CCDC18: variants seen among roughly 807,000 people sequenced by gnomAD.
CCDC18 encodes coiled-coil domain containing 18.
CCDC18 carries 157 observed loss-of-function variants against 196.0 expected under a neutral mutation model. The observed-to-expected ratio is 0.80, with a 90% CI of 0.70 to 0.91. The LOEUF (loss-of-function observed/expected upper bound fraction) is 0.91, where lower values mean the gene tolerates loss of function less well. Among genes scored for constraint, CCDC18 ranks in the 40% least tolerant of loss-of-function variants. The pLI, the probability that CCDC18 is intolerant of heterozygous loss-of-function variation, is 0.00. For synonymous variants in CCDC18, 482 were observed against 529.2 expected, an observed-to-expected ratio of 0.91 and a Z score of 1.22; for missense variants, 1,465 against 1,611.6, an observed-to-expected ratio of 0.91 and a Z score of 1.56.
chr1:93,242,405 C>T (rs544667159), intron 21 of CCDC18, among the ~76,000 whole-genome samples: 7 of 152,328 alleles, frequency 4.6e-5, no homozygotes, highest in African/African-American at 1.7e-4. Context: ...CTCATGAGAA[C>T]AGCATGGGAA....
chr1:93,254,816 G>A (rs1662719198), intron 24 of CCDC18, among the ~76,000 whole-genome samples: 2 of 151,722 alleles, frequency 1.3e-5, no homozygotes, highest in Non-Finnish European at 2.9e-5. Context: ...CAAAGACAGT[G>A]TCTTATTTAT....
chr1:93,254,941 CTTTTTTTTT>C (rs34139452), intron 24 of CCDC18, among the ~76,000 whole-genome samples: 1 of 44,268 alleles, frequency 2.3e-5, no homozygotes, highest in South Asian at 1.4e-3. Flanking sequence ...GAGGAGTCAG[CTTTTTTTTT>C]TTTTTTTTTT....
chr1:93,180,198 G>C, upstream of CCDC18: 2 of 1,613,258 alleles, frequency 1.2e-6, no homozygotes, highest in Non-Finnish European at 1.7e-6. Flanking sequence ...GAGGCAGAGC[G>C]GCCAGAAGGA....
intron 26 of CCDC18, among the ~76,000 whole-genome samples, chr1:93,263,321 A>AT (rs912163896): frequency 1.1e-4 from 17 of 151,554 alleles, no homozygotes; most frequent in African/African-American, 1.9e-4. Flanking sequence ...CCAAGCTGCA[A>AT]TTTTTTTTTA....
In CCDC18 at chr1:93,270,778, A is replaced by ATT. The variant is rs759266909; in HGVS notation, c.4317_4318insTT (p.Lys1440LeufsTer11). On this transcript the variant is annotated frameshift_variant, in exon 28 of 29. Transcript: ENST00000690025. LOFTEE classifies it high-confidence loss of function. ...TAAACAAAGAAGTAAGACTATTAAA[A>ATT]AAGTCTTCTATGCAAACAGGTGCTG... The ATT allele has an allele frequency of 1.0e-5, 16 of 1,545,076 alleles. No individual in the cohort carries two copies. Among genetic ancestry groups the ATT allele is most frequent in the Non-Finnish European group, 8.7e-7 (1 of 1,145,200 alleles).
chr1:93,209,390 G>C (rs1447303257), intron 9 of CCDC18, among the ~76,000 whole-genome samples: 2 of 152,172 alleles, frequency 1.3e-5, no homozygotes, highest in Admixed American at 6.5e-5. Flanking sequence ...GTAAAATGAA[G>C]GAAAGATCAG....
intron 1 of CCDC18, among the ~76,000 whole-genome samples, chr1:93,181,533 CATTT>C (rs1437503449): frequency 1.3e-5 from 2 of 152,232 alleles, no homozygotes; most frequent in East Asian, 3.9e-4. Flanking sequence ...TAAGGACATT[CATTT>C]GACAGTAAAT....
intron 17 of CCDC18, among the ~76,000 whole-genome samples, chr1:93,232,053 A>G (rs922137900): frequency 1.3e-5 from 2 of 152,152 alleles, no homozygotes; most frequent in Non-Finnish European, 2.9e-5. Context: ...TTATGACTCA[A>G]AGTTCAGGGT....
chr1:93,271,996 GT>G (rs1464303492), intron 28 of CCDC18, among the ~76,000 whole-genome samples: 4 of 152,020 alleles, frequency 2.6e-5, no homozygotes, highest in African/African-American at 9.7e-5. Flanking sequence ...GATTTAATCT[GT>G]AGTTTGAGAA....
At chr1:93,244,707 G>A (rs1661265354) in intron 21 of CCDC18, among the ~76,000 whole-genome samples, 1 of 151,978 alleles carries the variant, frequency 6.6e-6, no homozygotes, top group Non-Finnish European at 1.5e-5. Context: ...GGTTAAAATG[G>A]TAAATTTTAT....
intron 21 of CCDC18, among the ~76,000 whole-genome samples, chr1:93,242,455 C>T (rs1298061339): frequency 3.3e-5 from 5 of 152,192 alleles, no homozygotes; most frequent in African/African-American, 1.2e-4. Flanking sequence ...CACTGGGTCT[C>T]TCTCACAACA....
intron 4 of CCDC18, among the ~76,000 whole-genome samples, chr1:93,188,091 G>A (rs145407210): frequency 4.1e-4 from 62 of 152,298 alleles, no homozygotes; most frequent in Middle Eastern, 3.4e-3. Flanking sequence ...AAACATACCA[G>A]TGGTTATGTG....
intron 27 of CCDC18, 136 bp from the exon 28 acceptor site, chr1:93,270,211 A>G: frequency 1.6e-6 from 1 of 617,072 alleles, no homozygotes; most frequent in South Asian, 2.3e-5. Flanking sequence ...CAGAGCTTGG[A>G]AAACTCTCAA....
rs1279974866 is a variant in CCDC18 at position 93,201,957 on chromosome 1, A to G, written c.764A>G (p.Tyr255Cys). The G allele has an allele frequency of 1.9e-6, 3 of 1,610,230 alleles. No homozygotes were observed. Among genetic ancestry groups the G allele is most frequent in the African/African-American group, 1.3e-5 (1 of 74,752 alleles). ...AEELSKAFQQYKKKVAEKLEK... is the reference protein window; with the variant it reads ...AEELSKAFQQCKKKVAEKLEK... ...GAGCTGAGTAAAGCTTTCCAACAAT[A>G]TAAAAAAAAAGTGGCTGAAAAACTG... Residue 255 changes from tyrosine (Y) to cysteine (C), a missense_variant, in exon 7 of 29, where the codon TAT (tyrosine) becomes TGT (cysteine). Physicochemically the swap from Tyr to Cys is radical, Grantham distance 194 (BLOSUM62 -2). Coordinates refer to ENST00000690025, the MANE Select transcript of CCDC18 (RefSeq NM_001378204.1).
chr1:93,210,576 A>G (rs1655454857), intron 9 of CCDC18, among the ~76,000 whole-genome samples: 1 of 152,130 alleles, frequency 6.6e-6, no homozygotes, highest in Admixed American at 6.6e-5. Context: ...CAATATTGTT[A>G]TGAGATGTAT....
In CCDC18 at chr1:93,232,549, A is replaced by G. The variant is rs1156741520; in HGVS notation, c.2416A>G (p.Arg806Gly). Residue 806 changes from arginine to glycine, a missense_variant, in exon 18 of 29, where the codon AGA (arginine) becomes GGA (glycine). By Grantham distance (125) the Arg-to-Gly change is moderately radical. Transcript: ENST00000690025. The stretch of plus-strand genomic sequence containing the variant: ...GCAAATGTTACAACAAGAGACAATT[A>G]GAAATGGAGAGCTAGAAGATACTCA... ...QQQMLQQETI[R>G]NGELEDTQTK... The G allele has an allele frequency of 1.2e-6, 2 of 1,612,398 alleles. No homozygotes were observed. The highest frequency in any genetic ancestry group is 1.7e-6 in the Non-Finnish European group (2 of 1,179,040).
Position 93,236,278 on chromosome 1 carries a change from CAA to C in CCDC18, c.2493_2494del (p.Arg832GlyfsTer5). ...AAAACTGGAACAAGAACTTCAAAAA[CAA>C]AGGGAAAGTTCAGCTGAAAAGTTGA... is the stretch of plus-strand genomic sequence containing the variant. ...VSKLEQELQK[Q>X]RESSAEKLRK... On this transcript the variant is annotated frameshift_variant, in exon 19 of 29. Coordinates refer to ENST00000690025, the MANE Select transcript of CCDC18 (RefSeq NM_001378204.1). LOFTEE classifies it high-confidence loss of function. 4 of 1,574,398 alleles carry C rather than the reference CAA, an allele frequency of 2.5e-6. No individual in the cohort carries two copies. Among genetic ancestry groups the C allele is most frequent in the Non-Finnish European group, 3.4e-6 (4 of 1,168,262 alleles).
chr1:93,245,964 A>C (rs1418397835), intron 21 of CCDC18, 141 bp from the exon 22 acceptor site: 2 of 455,294 alleles, frequency 4.4e-6, no homozygotes, highest in Non-Finnish European at 7.9e-6. Flanking sequence ...ATTATTCCTT[A>C]AATTTGACCC....
chr1:93,224,576 C>T (rs955639205), intron 16 of CCDC18, among the ~76,000 whole-genome samples: 19 of 152,280 alleles, frequency 1.2e-4, no homozygotes, highest in Admixed American at 1.1e-3. Context: ...AGTGTGATGA[C>T]ACAAAATTTA....
Sources: gnomAD v4.1 joint callset for allele counts (sites outside exome capture counted in the v4.1 genomes callset) on GRCh38, gnomAD v4.1.1 for gene constraint, MANE v1.5 for transcripts, NCBI Gene and HGNC (gene_info 2026-07-23, HGNC 2026-07-21) for gene names.